The following OSTF1 variants were observed in gnomAD, a reference collection of about 807,000 sequenced individuals.
OSTF1 encodes the protein osteoclast-stimulating factor 1.
A neutral mutation model predicts 37.2 loss-of-function variants in OSTF1; 27 were observed. The observed-to-expected ratio is 0.73, with a 90% confidence interval of 0.54 to 1.00. OSTF1 has a LOEUF of 1.00. Ranked by LOEUF, OSTF1 falls within the 50% of genes least tolerant of loss-of-function variation. The pLI, the probability that OSTF1 is intolerant of heterozygous loss-of-function variation, is 0.00. For missense variants in OSTF1, 232 were observed against 253.8 expected (o/e 0.91, Z 0.58); for synonymous variants, 82 against 89.2 (o/e 0.92, Z 0.46).
At chr9:75,093,413 A>C (rs975237950) in intron 1 of OSTF1, among the ~76,000 whole-genome samples, 7 of 152,224 alleles carry the variant, frequency 4.6e-5, no homozygotes, top group Non-Finnish European at 1.0e-4. Context: ...GCCAAAGGAT[A>C]CTGAATGAGA....
At chr9:75,119,095 C>T (rs1825538310) in intron 2 of OSTF1, among the ~76,000 whole-genome samples, 1 of 152,244 alleles carries the variant, frequency 6.6e-6, no homozygotes, top group African/African-American at 2.4e-5. Context: ...AGCATCAGTT[C>T]ACTGCCATCA....
intron 9 of OSTF1, among the ~76,000 whole-genome samples, chr9:75,144,752 A>G (rs1825994286): frequency 1.3e-5 from 2 of 152,210 alleles, no homozygotes; most frequent in East Asian, 1.9e-4. Flanking sequence ...CCTTAATATC[A>G]TCAAATATCT....
intron 9 of OSTF1, among the ~76,000 whole-genome samples, chr9:75,141,763 T>C (rs1825948102): frequency 6.6e-6 from 1 of 152,212 alleles, no homozygotes; most frequent in Non-Finnish European, 1.5e-5. Flanking sequence ...ATTATTATTT[T>C]TTTAGATGGA....
chr9:75,091,663 C>T (rs1407031118), intron 1 of OSTF1, among the ~76,000 whole-genome samples: 1 of 152,080 alleles, frequency 6.6e-6, no homozygotes, highest in East Asian at 1.9e-4. Context: ...TTAAACCTTG[C>T]CTCATTCCAA....
At chr9:75,143,520 G>A (rs1243482757) in intron 9 of OSTF1, among the ~76,000 whole-genome samples, 1 of 152,122 alleles carries the variant, frequency 6.6e-6, no homozygotes, top group Non-Finnish European at 1.5e-5. Context: ...GATTAGTTCT[G>A]CCCGTTCGTG....
intron 1 of OSTF1, among the ~76,000 whole-genome samples, chr9:75,105,095 G>A (rs1280617279): frequency 6.6e-6 from 1 of 152,186 alleles, no homozygotes; most frequent in Admixed American, 6.5e-5. Context: ...AGATTTTGAT[G>A]TTAGGGAATT....
At chr9:75,114,022 A>G (rs570159135) in intron 1 of OSTF1, among the ~76,000 whole-genome samples, 1 of 152,242 alleles carries the variant, frequency 6.6e-6, no homozygotes, top group African/African-American at 2.4e-5. Flanking sequence ...GATCCCACCT[A>G]TGTGAGTGAA....
chr9:75,115,466 C>G (rs111238884), intron 1 of OSTF1, among the ~76,000 whole-genome samples: 11,825 of 151,734 alleles, frequency 0.078, 987 homozygotes, highest in African/African-American at 0.21. Flanking sequence ...AAATTTTTAT[C>G]TTTAATAGAG....
Position 75,139,489 on chromosome 9 carries a change from C to T in OSTF1, c.488-1345C>T, listed in dbSNP as rs185446650. On this transcript the variant is annotated intron_variant, in intron 8 of 9. Coordinates refer to ENST00000346234, the MANE Select transcript of OSTF1 (RefSeq NM_012383.5). ...TATTGCCCAGGTTGGAGTGCAGTGG[C>T]GCAATCTTGGCTCATTGCAGTCTCC... Among the ~76,000 whole-genome samples the T allele has an allele frequency of 1.8e-3, 281 of 152,142 alleles. 1 individual carries two copies. The highest frequency in any genetic ancestry group is 2.7e-3 in the Non-Finnish European group (186 of 67,986).
intron 2 of OSTF1, among the ~76,000 whole-genome samples, chr9:75,125,686 A>G (rs1587462618): frequency 6.6e-6 from 1 of 152,320 alleles, no homozygotes; most frequent in Admixed American, 6.5e-5. Context: ...TGAATGCATA[A>G]TGCATCTAAG....
intron 4 of OSTF1, among the ~76,000 whole-genome samples, chr9:75,131,305 C>G (rs995141032): frequency 6.6e-6 from 1 of 152,184 alleles, no homozygotes; most frequent in African/African-American, 2.4e-5. Flanking sequence ...TTTCTGAATA[C>G]AGGAAGCAAA....
intron 1 of OSTF1, among the ~76,000 whole-genome samples, chr9:75,108,273 A>G (rs992333969): frequency 2.0e-4 from 28 of 142,944 alleles, no homozygotes; most frequent in African/African-American, 7.1e-4. Flanking sequence ...AAAAAGAAAA[A>G]GAAAAAATTT....
At chr9:75,109,040 G>A (rs1414753600) in intron 1 of OSTF1, among the ~76,000 whole-genome samples, 1 of 76,188 alleles carries the variant, frequency 1.3e-5, no homozygotes, top group Non-Finnish European at 2.8e-5. Context: ...TTTTTTTTTT[G>A]GGTGGAGTCT....
chr9:75,146,675 T>C lies in OSTF1; in HGVS notation c.587-8T>C. On this transcript the variant is annotated splice_region_variant and splice_polypyrimidine_tract_variant and intron_variant, in intron 9 of 9. Transcript: ENST00000346234. ...CTATTTTGCTTTTTTCCCTCCTCTT[T>C]CTTTCAGATGCAGTTCGAACATTAA... 6.2e-7 allele frequency: 1 copy of C among 1,603,920 alleles called. No homozygotes were observed. The highest frequency in any genetic ancestry group is 1.1e-5 in the South Asian group (1 of 89,836).
chr9:75,090,567 C>T (rs1184648346), intron 1 of OSTF1, among the ~76,000 whole-genome samples: 1 of 151,972 alleles, frequency 6.6e-6, no homozygotes, highest in Non-Finnish European at 1.5e-5. Context: ...CAAATGAGAT[C>T]CAGACACAAA....
intron 1 of OSTF1, among the ~76,000 whole-genome samples, chr9:75,100,428 T>G (rs532325294): frequency 1.3e-5 from 2 of 152,156 alleles, no homozygotes; most frequent in South Asian, 4.1e-4. Flanking sequence ...AAGAGTTTTT[T>G]TTTTTAAAAA....
chr9:75,126,305 T>C (rs968130128), intron 2 of OSTF1, among the ~76,000 whole-genome samples: 2 of 152,242 alleles, frequency 1.3e-5, no homozygotes, highest in African/African-American at 4.8e-5. Context: ...TTTAAAAGTA[T>C]TTTTCCCACC....
At chr9:75,127,407 C>T in intron 2 of OSTF1, among the ~76,000 whole-genome samples, 162 bp from the exon 3 acceptor site, 1 of 152,066 alleles carries the variant, frequency 6.6e-6, no homozygotes, top group East Asian at 1.9e-4. Flanking sequence ...GCCGTCTATT[C>T]ATGTGTTAAT....
rs144339262 is a variant in OSTF1 at position 75,132,602 on chromosome 9, A to T, written c.251-692A>T. Reference sequence around the variant, plus strand: ...CTGCTGAGAAACCCTGCTGTAGATAATGGGGAGTTTTTGTAAAGCCTCAAT... The same window carrying T: ...CTGCTGAGAAACCCTGCTGTAGATATTGGGGAGTTTTTGTAAAGCCTCAAT... On this transcript the variant is annotated intron_variant, in intron 5 of 9. Transcript: ENST00000346234. Among the ~76,000 whole-genome samples, 621 of 152,294 alleles carry T rather than the reference A, an allele frequency of 4.1e-3. 25 individuals carry two copies. The highest frequency in any genetic ancestry group is 0.037 in the Admixed American group (559 of 15,298).
Sources: allele counts gnomAD v4.1 joint callset (sites outside exome capture counted in the v4.1 genomes callset), GRCh38; gene constraint gnomAD v4.1.1; transcripts MANE v1.5; gene names NCBI Gene and HGNC (gene_info 2026-07-23, HGNC 2026-07-21).